PDE11A: variants seen among roughly 807,000 people sequenced by gnomAD.
PDE11A encodes dual 3',5'-cyclic-AMP and -GMP phosphodiesterase 11A.
In PDE11A, 100 loss-of-function variants were observed where a neutral mutation model predicts 100.5. The ratio of observed to expected loss-of-function variants is 1.00; its 90% CI spans 0.85 to 1.18. The LOEUF (loss-of-function observed/expected upper bound fraction) is 1.18. Among genes scored for constraint, PDE11A ranks in the 50% most tolerant of loss-of-function variants. PDE11A has a pLI of 0.00. For synonymous variants in PDE11A, 381 were observed against 420.8 expected, an observed-to-expected ratio of 0.91 and a Z score of 1.16; for missense variants, 1,141 against 1,152.6, an observed-to-expected ratio of 0.99 and a Z score of 0.15.
chr2:177,660,110 T>C (rs2080461355), intron 19 of PDE11A, among the ~76,000 whole-genome samples: 1 of 78,678 alleles, frequency 1.3e-5, no homozygotes, highest in Non-Finnish European at 2.8e-5. Flanking sequence ...TCTCTCTCTC[T>C]CTTTCTTTCT....
In PDE11A at chr2:177,816,894, T is replaced by C. The variant is rs761739144; in HGVS notation, c.1672A>G (p.Ile558Val). ...EAFVIFCGLG[I>V]NNTIMYDQVK... ...TGATCATACATAATTGTGTTGTTGA[T>C]GCCAAGTCCACAAAAGATGACAAAA... Residue 558 changes from isoleucine (I) to valine (V), a missense_variant, in exon 9 of 20, where the codon ATC (isoleucine) becomes GTC (valine). Physicochemically the swap from Ile to Val is conservative, Grantham distance 29. Coordinates refer to ENST00000286063, the MANE Select transcript of PDE11A (RefSeq NM_016953.4). 3 of 1,610,358 alleles carry C rather than the reference T, an allele frequency of 1.9e-6. No individual in the cohort carries two copies. Among genetic ancestry groups the C allele is most frequent in the Non-Finnish European group, 2.5e-6 (3 of 1,176,726 alleles).
chr2:178,105,741 C>T (rs1574401388), intron 1 of PDE11A: 3 of 1,126,388 alleles, frequency 2.7e-6, no homozygotes, highest in African/African-American at 3.2e-5. Context: ...CACCCAATAT[C>T]ACCTCACAGC....
At chr2:177,946,464 T>G (rs1328096855) in intron 2 of PDE11A, among the ~76,000 whole-genome samples, 12 of 9,774 alleles carry the variant, frequency 1.2e-3, no homozygotes, top group Admixed American at 3.6e-3. Flanking sequence ...GGTGGGGGGG[T>G]CAGCCCCCCG....
At chr2:177,920,779 T>C (rs71423516) in intron 2 of PDE11A, among the ~76,000 whole-genome samples, 15,934 of 152,118 alleles carry the variant, frequency 0.1, 1,147 homozygotes, top group Non-Finnish European at 0.15. Context: ...AAAATTGTTT[T>C]GGGCCAGGCG....
intron 18 of PDE11A, among the ~76,000 whole-genome samples, chr2:177,665,947 ATTATAAAGTTAC>A (rs2105482081): frequency 6.6e-6 from 1 of 152,152 alleles, no homozygotes; most frequent in African/African-American, 2.4e-5. Context: ...TCTAGTGGAT[ATTATAAAGTTAC>A]TTTTTTAAAA....
At chr2:177,796,078 T>C (rs1351810336) in intron 9 of PDE11A, among the ~76,000 whole-genome samples, 6 of 151,322 alleles carry the variant, frequency 4.0e-5, no homozygotes, top group Non-Finnish European at 8.8e-5. Context: ...TGTAAGATTT[T>C]AGCTACAGTA....
rs539014581 is a variant in PDE11A at position 177,635,460 on chromosome 2, G to T, written c.2647-5898C>A. Among the ~76,000 whole-genome samples the T allele has an allele frequency of 5.5e-4, 84 of 152,254 alleles. 2 individuals carry two copies. The South Asian group carries it at 0.017, about 31-fold the overall frequency. ...ACTATGGGACACAGCCTGGGCATCTGGTCATCTAGGTGGCCAAGGGACCCC... is the reference window on the plus strand; with the variant it reads ...ACTATGGGACACAGCCTGGGCATCTTGTCATCTAGGTGGCCAAGGGACCCC... On this transcript the variant is annotated intron_variant, in intron 19 of 19. Transcript: ENST00000286063.
At chr2:178,052,108 T>A (rs2086836277) in intron 1 of PDE11A, among the ~76,000 whole-genome samples, 1 of 152,186 alleles carries the variant, frequency 6.6e-6, no homozygotes, top group South Asian at 2.1e-4. Context: ...ACCACATAGT[T>A]GGAAGTACAG....
At chr2:177,750,824 T>C (rs1018063291) in intron 10 of PDE11A, among the ~76,000 whole-genome samples, 8 of 152,250 alleles carry the variant, frequency 5.3e-5, no homozygotes, top group Non-Finnish European at 1.2e-4. Context: ...GGTACATCTA[T>C]TAATATTCTG....
intron 2 of PDE11A, among the ~76,000 whole-genome samples, chr2:178,001,553 C>A (rs988038062): frequency 2.0e-5 from 3 of 152,108 alleles, no homozygotes; most frequent in African/African-American, 7.2e-5. Context: ...TAGTCCTATT[C>A]AAGATACATG....
intron 10 of PDE11A, among the ~76,000 whole-genome samples, chr2:177,762,934 GATCT>G (rs1331585626): frequency 6.6e-6 from 1 of 152,282 alleles, no homozygotes. Context: ...TGGGCTTGCA[GATCT>G]GGTTCCCCTC....
At chr2:177,772,258 C>T (rs1458618121) in intron 9 of PDE11A, among the ~76,000 whole-genome samples, 3 of 152,034 alleles carry the variant, frequency 2.0e-5, no homozygotes, top group African/African-American at 7.2e-5. Flanking sequence ...ATATATTCTA[C>T]TGGGAAATTT....
chr2:177,815,743 C>A (rs1482303862), intron 9 of PDE11A, among the ~76,000 whole-genome samples: 1 of 152,206 alleles, frequency 6.6e-6, no homozygotes, highest in Non-Finnish European at 1.5e-5. Context: ...CAAATCAGAG[C>A]AGTGCAGGTA....
chr2:177,705,671 G>T (rs1321443131), intron 13 of PDE11A, among the ~76,000 whole-genome samples: 1 of 152,156 alleles, frequency 6.6e-6, no homozygotes, highest in Admixed American at 6.5e-5. Context: ...AGACTGAATG[G>T]CAGTGTGCAG....
intron 2 of PDE11A, among the ~76,000 whole-genome samples, chr2:178,080,671 T>A (rs1196945050): frequency 2.0e-5 from 3 of 152,162 alleles, no homozygotes; most frequent in Non-Finnish European, 4.4e-5. Context: ...CTGTTTTACA[T>A]TTCTTATAGG....
At position 178,013,578 on chromosome 2, in the gene PDE11A, G is replaced by A. The variant is rs76781415; in HGVS notation, c.1071+724C>T. Among the ~76,000 whole-genome samples, 1,182 of 152,296 alleles carry A rather than the reference G, an allele frequency of 7.8e-3. 9 individuals are homozygous for A. Among genetic ancestry groups the A allele is most frequent in the African/African-American group, 0.027 (1,132 of 41,554 alleles). ...GTGTTTTTTAATTAAATAGAAATATGAGAGTCATCAAACTTAAACAAACTA... is the reference window on the plus strand; with the variant it reads ...GTGTTTTTTAATTAAATAGAAATATAAGAGTCATCAAACTTAAACAAACTA... On this transcript the variant is annotated intron_variant, in intron 2 of 19. Transcript: ENST00000286063.
At chr2:177,784,677 G>C (rs2082505897) in intron 9 of PDE11A, among the ~76,000 whole-genome samples, 1 of 152,062 alleles carries the variant, frequency 6.6e-6, no homozygotes, top group Non-Finnish European at 1.5e-5. Flanking sequence ...GCTGGCTCTT[G>C]AATTCTTTCC....
At chr2:177,843,683 G>T (rs1439783083) in intron 5 of PDE11A, among the ~76,000 whole-genome samples, 1 of 152,192 alleles carries the variant, frequency 6.6e-6, no homozygotes, top group Non-Finnish European at 1.5e-5. Context: ...GCAAGGCAGG[G>T]TTGAGGCCGT....
chr2:178,028,984 T>C (rs557267030), intron 1 of PDE11A, among the ~76,000 whole-genome samples: 2 of 152,324 alleles, frequency 1.3e-5, no homozygotes, highest in South Asian at 2.1e-4. Context: ...ATAAGACTCC[T>C]AGATACTCCT....
Sources: allele counts gnomAD v4.1 joint callset (sites outside exome capture counted in the v4.1 genomes callset), GRCh38; gene constraint gnomAD v4.1.1; transcripts MANE v1.5; gene names NCBI Gene and HGNC (gene_info 2026-07-23, HGNC 2026-07-21).